Variants in OSBPL6 observed in about 807,000 individuals in gnomAD.
OSBPL6 encodes oxysterol-binding protein-related protein 6.
OSBPL6 carries 49 observed loss-of-function variants against 125.8 expected under a neutral mutation model. The observed-to-expected ratio is 0.39, with a 90% CI of 0.31 to 0.49. OSBPL6 has a LOEUF of 0.49. OSBPL6 is among the 20% of genes least tolerant of loss of function. The pLI is 0.88. For missense variants in OSBPL6, 986 were observed against 1,135.4 expected, an observed-to-expected ratio of 0.87 and a Z score of 1.89; for synonymous variants, 394 against 391.8, an observed-to-expected ratio of 1.01 and a Z score of -0.07.
chr2:178,220,317 G>A lies in OSBPL6; in HGVS notation c.-351+25643G>A, dbSNP rs146988801. 1.3e-3 allele frequency among the ~76,000 whole-genome samples: 199 copies of A among 152,186 alleles called. 2 individuals carry two copies. Among genetic ancestry groups the A allele is most frequent in the African/African-American group, 4.6e-3 (190 of 41,526 alleles). ...TTTTGGGGGGCTGGGGAGGCGGGTGGACAGGGTCTTACTCTGTCACCTACG... is the reference window on the plus strand; with the variant it reads ...TTTTGGGGGGCTGGGGAGGCGGGTGAACAGGGTCTTACTCTGTCACCTACG... On this transcript the variant is annotated intron_variant, in intron 1 of 24. Transcript: ENST00000190611.
At chr2:178,286,308 A>G (rs898460076) in intron 2 of OSBPL6, among the ~76,000 whole-genome samples, 1 of 152,210 alleles carries the variant, frequency 6.6e-6, no homozygotes, top group African/African-American at 2.4e-5. Context: ...AACCAAACCA[A>G]TCTTACAGAT....
At chr2:178,331,477 C>A in intron 5 of OSBPL6, 75 bp from the exon 6 acceptor site, 1 of 1,464,324 alleles carries the variant, frequency 6.8e-7, no homozygotes, top group Non-Finnish European at 9.6e-7. Flanking sequence ...TGCCAAGCAA[C>A]ATTAGACCCA....
chr2:178,219,145 AATAGACTGTTAGTG>A (rs2090229930), intron 1 of OSBPL6, among the ~76,000 whole-genome samples: 1 of 152,226 alleles, frequency 6.6e-6, no homozygotes, highest in Non-Finnish European at 1.5e-5. Context: ...ACCAACATAA[AATAGACTGTTAGTG>A]ATAGACTGTA....
rs548894604 is a variant in OSBPL6 at position 178,391,693 on chromosome 2, T to C, written c.2446+476T>C. 2.6e-5 allele frequency among the ~76,000 whole-genome samples: 4 copies of C among 152,362 alleles called. No individual in the cohort carries two copies. In the South Asian group the frequency reaches 8.3e-4, roughly 32 times the overall value. ...GAGACAGCAATATGTTGACATTTAA[T>C]AAAAGACATCAAAAGAGTTCTGATA... On this transcript the variant is annotated intron_variant, in intron 22 of 24. Transcript: ENST00000190611.
chr2:178,251,940 G>A (rs2091710587), intron 1 of OSBPL6, among the ~76,000 whole-genome samples: 1 of 152,146 alleles, frequency 6.6e-6, no homozygotes, highest in Non-Finnish European at 1.5e-5. Flanking sequence ...ATGCTTGTAT[G>A]TTTATTCTTT....
chr2:178,328,385 T>C lies in OSBPL6; in HGVS notation c.318+7T>C. 1 of 1,611,490 alleles carries C rather than the reference T, an allele frequency of 6.2e-7. No individual in the cohort carries two copies. The highest frequency in any genetic ancestry group is 1.3e-5 in the African/African-American group (1 of 74,790). ...TTTAAAAGGCTGGCACAAGGTAACATTTTTATCATATTCAGGTTCAGACCA... is the reference window on the plus strand; with the variant it reads ...TTTAAAAGGCTGGCACAAGGTAACACTTTTATCATATTCAGGTTCAGACCA... On this transcript the variant is annotated splice_region_variant and intron_variant, in intron 5 of 24. Coordinates refer to ENST00000190611, the MANE Select transcript of OSBPL6 (RefSeq NM_032523.4).
intron 2 of OSBPL6, among the ~76,000 whole-genome samples, chr2:178,292,219 T>A (rs563860738): frequency 6.6e-6 from 1 of 152,166 alleles, no homozygotes; most frequent in Non-Finnish European, 1.5e-5. Flanking sequence ...ACCATAAAAT[T>A]GAAATCCAAC....
chr2:178,335,158 A>T (rs1462606838), intron 8 of OSBPL6, among the ~76,000 whole-genome samples: 1 of 152,050 alleles, frequency 6.6e-6, no homozygotes, highest in Non-Finnish European at 1.5e-5. Flanking sequence ...ACTGGCACAG[A>T]CTATTGATGA....
Position 178,383,232 on chromosome 2 carries a change from G to A in OSBPL6, c.1830G>A (p.Glu610=). The A allele has an allele frequency of 6.2e-7, 1 of 1,614,228 alleles. No individual in the cohort carries two copies. The highest frequency in any genetic ancestry group is 8.5e-7 in the Non-Finnish European group (1 of 1,180,040). ...QHLCEEMEYS[E]LLDKASETDD... is the part of the protein sequence containing the mutation. ...TCTGTGAGGAAATGGAATACAGCGAGCTCCTGGACAAGGCTTCGGAAACTG... is the reference window on the plus strand; with the variant it reads ...TCTGTGAGGAAATGGAATACAGCGAACTCCTGGACAAGGCTTCGGAAACTG... The change falls in exon 17 of 25, where the codon GAG becomes GAA. Residue 610 remains glutamate, a synonymous_variant. Coordinates refer to ENST00000190611, the MANE Select transcript of OSBPL6 (RefSeq NM_032523.4).
chr2:178,317,437 CATATATATATAT>C (rs6147046), intron 3 of OSBPL6, among the ~76,000 whole-genome samples: 23,767 of 106,678 alleles, frequency 0.22, 2,940 homozygotes, highest in East Asian at 0.4. Context: ...ACTTAGACAC[CATATATATATAT>C]ATATATATAT....
chr2:178,309,453 T>G (rs528335312), intron 3 of OSBPL6, among the ~76,000 whole-genome samples: 1 of 152,352 alleles, frequency 6.6e-6, no homozygotes, highest in African/African-American at 2.4e-5. Flanking sequence ...TTTGTCCTTC[T>G]CTTCTTCCTT....
At chr2:178,384,327 G>C in intron 18 of OSBPL6, 151 bp downstream of exon 18, 2 of 1,133,220 alleles carry the variant, frequency 1.8e-6, no homozygotes, top group South Asian at 1.6e-5. Flanking sequence ...AGTTTAGAAA[G>C]TTTATTTTGC....
chr2:178,304,312 A>G (rs906230820), intron 2 of OSBPL6, among the ~76,000 whole-genome samples: 1 of 152,194 alleles, frequency 6.6e-6, no homozygotes, highest in Admixed American at 6.5e-5. Context: ...ACGGTTCTGC[A>G]TGGCTGGGGA....
chr2:178,239,490 C>T (rs1419647692), intron 1 of OSBPL6, among the ~76,000 whole-genome samples: 1 of 151,868 alleles, frequency 6.6e-6, no homozygotes, highest in South Asian at 2.1e-4. Context: ...GCCAAGATTG[C>T]GCCTCTGCAC....
chr2:178,264,507 CT>C (rs2092165786), intron 1 of OSBPL6, among the ~76,000 whole-genome samples: 1 of 152,196 alleles, frequency 6.6e-6, no homozygotes, highest in Admixed American at 6.5e-5. Context: ...CCAATTATAA[CT>C]AATTTCTAAA....
At chr2:178,284,845 G>A (rs1684551438) in intron 1 of OSBPL6, 82 bp from the exon 2 acceptor site, 1 of 391,028 alleles carries the variant, frequency 2.6e-6, no homozygotes, top group Admixed American at 4.4e-5. Context: ...GGAATTTTCT[G>A]ATTGGCCATA....
intron 1 of OSBPL6, among the ~76,000 whole-genome samples, chr2:178,211,691 A>G (rs752930036): frequency 7.2e-5 from 11 of 152,132 alleles, no homozygotes; most frequent in Non-Finnish European, 1.5e-4. Flanking sequence ...TGGATCTCTC[A>G]GGTGTCAGCC....
At chr2:178,258,568 G>T (rs766695923) in intron 1 of OSBPL6, among the ~76,000 whole-genome samples, 18 of 152,134 alleles carry the variant, frequency 1.2e-4, no homozygotes, top group Admixed American at 2.0e-4. Context: ...TGATGATAAT[G>T]ATGGTGATTT....
At chr2:178,392,290 T>C (rs1023867006) in intron 22 of OSBPL6, 122 bp from the exon 23 acceptor site, 4 of 1,174,884 alleles carry the variant, frequency 3.4e-6, no homozygotes, top group Admixed American at 4.6e-5. Context: ...AAAAAATCTA[T>C]AATCTTGTGT....
Sources: gnomAD v4.1 joint callset for allele counts (sites outside exome capture counted in the v4.1 genomes callset) on GRCh38, gnomAD v4.1.1 for gene constraint, MANE v1.5 for transcripts, NCBI Gene and HGNC (gene_info 2026-07-23, HGNC 2026-07-21) for gene names.